The following SCN2A variants were observed in gnomAD, a reference collection of about 807,000 sequenced individuals.
SCN2A encodes sodium channel protein type 2 subunit alpha.
In SCN2A, 20 loss-of-function variants were observed where a neutral mutation model predicts 188.7. That is an observed-to-expected ratio of 0.11 (90% CI 0.07 to 0.15). SCN2A has a LOEUF of 0.15. Ranked by LOEUF, SCN2A falls within the 10% of genes least tolerant of loss-of-function variation. The pLI is 1.00. For missense variants in SCN2A, 1,278 were observed against 2,445.0 expected, an observed-to-expected ratio of 0.52 and a Z score of 10.07; for synonymous variants, 804 against 833.1, an observed-to-expected ratio of 0.97 and a Z score of 0.60.
chr2:165,271,316 G>A (rs1169955690), intron 1 of SCN2A: 1 of 152,100 alleles, frequency 6.6e-6, no homozygotes, highest in Admixed American at 6.6e-5. Context: ...TATCTAAGAG[G>A]CCTAATTGGA....
intron 1 of SCN2A, among the ~76,000 whole-genome samples, chr2:165,294,757 G>A (rs1696412324): frequency 6.6e-6 from 1 of 152,188 alleles, no homozygotes; most frequent in Non-Finnish European, 1.5e-5. Context: ...AATGACTGAT[G>A]TGCTCTTTTG....
At chr2:165,250,395 T>C (rs566797501) in intron 1 of SCN2A, among the ~76,000 whole-genome samples, 2 of 152,042 alleles carry the variant, frequency 1.3e-5, no homozygotes, top group South Asian at 4.2e-4. Flanking sequence ...TTTATGGTGA[T>C]TTGTAAAATG....
At chr2:165,308,414 A>C (rs1215508014) in intron 4 of SCN2A, among the ~76,000 whole-genome samples, 1 of 152,120 alleles carries the variant, frequency 6.6e-6, no homozygotes, top group Non-Finnish European at 1.5e-5. Flanking sequence ...ATGTCTTCAT[A>C]TAGAGCCACA....
At chr2:165,259,209 T>C (rs544758084) in intron 1 of SCN2A, among the ~76,000 whole-genome samples, 1 of 152,328 alleles carries the variant, frequency 6.6e-6, no homozygotes, top group African/African-American at 2.4e-5. Flanking sequence ...ATGCAAATAA[T>C]CATCTGAGTC....
At chr2:165,274,176 C>A (rs1023178776) in intron 1 of SCN2A, 8 of 151,632 alleles carry the variant, frequency 5.3e-5, no homozygotes, top group African/African-American at 1.9e-4. Flanking sequence ...CAATTCATTC[C>A]TGTAGGCAAA....
intron 1 of SCN2A, chr2:165,271,972 C>A (rs879151730): frequency 6.6e-6 from 1 of 151,894 alleles, no homozygotes; most frequent in Admixed American, 6.6e-5. Context: ...TATTGATGAG[C>A]ATTTGAGTTG....
At chr2:165,348,236 G>A (rs1429423950) in intron 16 of SCN2A, among the ~76,000 whole-genome samples, 2 of 151,764 alleles carry the variant, frequency 1.3e-5, no homozygotes, top group Non-Finnish European at 2.9e-5. Context: ...ATGCACACCT[G>A]TAATCCCAGC....
chr2:165,382,392 C>T (rs1026298954), intron 25 of SCN2A, among the ~76,000 whole-genome samples: 8 of 152,116 alleles, frequency 5.3e-5, no homozygotes, highest in South Asian at 4.2e-4. Context: ...AAATAACCCT[C>T]GGCCATAGAC....
intron 15 of SCN2A, 33 bp from the exon 16 acceptor site, chr2:165,344,522 G>A (rs763585710): frequency 7.4e-7 from 1 of 1,346,734 alleles, no homozygotes; most frequent in Non-Finnish European, 9.8e-7. Flanking sequence ...TAGAAATGCA[G>A]AGCATTAACA....
chr2:165,369,979 A>G, intron 19 of SCN2A, 147 bp from the exon 20 acceptor site: 1 of 671,882 alleles, frequency 1.5e-6, no homozygotes, highest in Non-Finnish European at 2.5e-6. Flanking sequence ...TGATCAGATA[A>G]TGATAAAGTA....
chr2:165,385,730 C>T (rs1701834958), intron 25 of SCN2A, among the ~76,000 whole-genome samples: 1 of 152,054 alleles, frequency 6.6e-6, no homozygotes, highest in East Asian at 1.9e-4. Flanking sequence ...TTTAAAACAT[C>T]TTAGCTGAAC....
chr2:165,248,323 T>G (rs1693944212), intron 1 of SCN2A, among the ~76,000 whole-genome samples: 1 of 152,098 alleles, frequency 6.6e-6, no homozygotes, highest in African/African-American at 2.4e-5. Flanking sequence ...ATTACAGTAT[T>G]TCTCTGAATT....
chr2:165,301,660 A>C (rs1279363350), intron 3 of SCN2A, among the ~76,000 whole-genome samples: 2 of 152,316 alleles, frequency 1.3e-5, no homozygotes, highest in Admixed American at 1.3e-4. Context: ...TCAATAAAGG[A>C]TATCTATGAC....
At chr2:165,255,344 C>G (rs1248218287) in intron 1 of SCN2A, among the ~76,000 whole-genome samples, 2 of 151,964 alleles carry the variant, frequency 1.3e-5, no homozygotes, top group African/African-American at 4.8e-5. Flanking sequence ...TATCTATTAA[C>G]TACCCTTACA....
intron 14 of SCN2A, among the ~76,000 whole-genome samples, chr2:165,337,127 T>C (rs1181742312): frequency 6.6e-6 from 1 of 151,748 alleles, no homozygotes; most frequent in African/African-American, 2.4e-5. Context: ...ATGAAAACTG[T>C]AAAAAGGAAT....
chr2:165,274,608 A>G (rs188953212), intron 1 of SCN2A, among the ~76,000 whole-genome samples: 100 of 152,362 alleles, frequency 6.6e-4, no homozygotes, highest in African/African-American at 2.2e-3. Flanking sequence ...TTTAGTTGCT[A>G]CTATTGCCTA....
chr2:165,298,471 C>T (rs1017852486), intron 3 of SCN2A, among the ~76,000 whole-genome samples: 2 of 152,140 alleles, frequency 1.3e-5, no homozygotes, highest in African/African-American at 2.4e-5. Flanking sequence ...GGTTGTTCCT[C>T]TTCCCCAGTT....
chr2:165,296,974 T>TATATTAAGA, intron 2 of SCN2A, 43 bp from the exon 3 acceptor site: 2 of 986,978 alleles, frequency 2.0e-6, no homozygotes, highest in Non-Finnish European at 3.2e-6. Flanking sequence ...ATTCTTAATA[T>TATATTAAGA]ATATTCTAAG....
In SCN2A at chr2:165,350,982, A is replaced by G. The variant is rs114543276; in HGVS notation, c.2920-3210A>G. ...AGCTAAACTTTCTCAAAGGTTCACT[A>G]TGTGCCAAGAACTGTGCTGAAAGCC... On this transcript the variant is annotated intron_variant, in intron 16 of 26. Coordinates refer to ENST00000375437, the MANE Select transcript of SCN2A (RefSeq NM_001040142.2). Among the ~76,000 whole-genome samples the G allele has an allele frequency of 7.5e-3, 1,144 of 152,322 alleles. 21 individuals carry two copies. The highest frequency in any genetic ancestry group is 0.026 in the African/African-American group (1,085 of 41,566).
Sources: gnomAD v4.1 joint callset for allele counts (sites outside exome capture counted in the v4.1 genomes callset) on GRCh38, gnomAD v4.1.1 for gene constraint, MANE v1.5 for transcripts, NCBI Gene and HGNC (gene_info 2026-07-23, HGNC 2026-07-21) for gene names.